The following RNF135 variants were observed in gnomAD, a reference collection of about 807,000 sequenced individuals.
RNF135 encodes ring finger protein 135.
Under a neutral mutation model 41.9 loss-of-function variants are expected in RNF135, and 46 were observed. The ratio of observed to expected loss-of-function variants is 1.10; its 90% CI spans 0.87 to 1.40. RNF135 has a LOEUF of 1.40. Among genes scored for constraint, RNF135 ranks in the 40% most tolerant of loss-of-function variants. RNF135 has a pLI of 0.00. For missense variants in RNF135, 539 were observed against 549.8 expected (o/e 0.98, Z 0.20); for synonymous variants, 238 against 223.8 (o/e 1.06, Z -0.57).
intron 1 of RNF135, among the ~76,000 whole-genome samples, chr17:30,982,866 T>A (rs767707195): frequency 6.6e-6 from 1 of 152,222 alleles, no homozygotes; most frequent in Non-Finnish European, 1.5e-5. Flanking sequence ...CAGGGTACCA[T>A]AACTCTTTTC....
chr17:30,979,743 G>A (rs1906873612), intron 1 of RNF135, among the ~76,000 whole-genome samples: 1 of 125,742 alleles, frequency 8.0e-6, no homozygotes. Flanking sequence ...CGGACGGGGC[G>A]GCTGGCCGGG....
At chr17:30,964,687 CTTT>C in the RNF135 span, among the ~76,000 whole-genome samples, 5 of 138,374 alleles carry the variant, frequency 3.6e-5, no homozygotes, top group Non-Finnish European at 3.2e-5. Flanking sequence ...CATTTCTTAT[CTTT>C]TTTTTTTTTT....
At chr17:30,981,413 A>G (rs1318907916) in intron 1 of RNF135, among the ~76,000 whole-genome samples, 3 of 152,114 alleles carry the variant, frequency 2.0e-5, no homozygotes, top group Non-Finnish European at 2.9e-5. Flanking sequence ...TAATTATTTC[A>G]ATCATTTTGT....
At chr17:30,993,806 T>TAA (rs1394991466) in intron 3 of RNF135, 4 of 911,762 alleles carry the variant, frequency 4.4e-6, no homozygotes, top group Non-Finnish European at 1.7e-6. Context: ...TCTGCTGAAT[T>TAA]AATTAATTAA....
Position 30,997,290 on chromosome 17 carries a change from A to G in RNF135, c.728A>G (p.Gln243Arg). 6.2e-7 allele frequency: 1 copy of G among 1,614,044 alleles called. No homozygotes were observed. The highest frequency in any genetic ancestry group is 8.5e-7 in the Non-Finnish European group (1 of 1,179,958). ...PSSSSCPLPD[Q>R]SHPALRRASR... ...TCCTCCTCATGCCCATTGCCTGACC[A>G]GAGCCACCCTGCACTCAGGAGAGCT... Residue 243 changes from glutamine to arginine, a missense_variant, in exon 4 of 5, where the codon CAG becomes CGG. Gln to Arg is a conservative substitution (Grantham distance 43). Transcript: ENST00000328381.
chr17:30,999,522 A>C lies in RNF135; in HGVS notation c.*331A>C. The C allele has an allele frequency of 8.5e-6, 3 of 351,610 alleles. No individual in the cohort carries two copies. The highest frequency in any genetic ancestry group is 8.1e-5 in the South Asian group (3 of 37,086). The allele number at this position is 351,610 out of a possible 1,614,324, so 21.8% of individuals were successfully genotyped here. Reference sequence around the variant, plus strand: ...AATAGGCCCCTGCCTGGCTCCTGGGAGATAACCTCTAAGCCATTAGAATAT... The same window carrying C: ...AATAGGCCCCTGCCTGGCTCCTGGGCGATAACCTCTAAGCCATTAGAATAT... On this transcript the variant is annotated 3_prime_UTR_variant, in exon 5 of 5. Transcript: ENST00000328381.
Position 30,997,269 on chromosome 17 carries a change from C to T in RNF135, c.707C>T (p.Ser236Phe), listed in dbSNP as rs1466795608. 2.5e-6 allele frequency: 4 copies of T among 1,613,964 alleles called. No homozygotes were observed. Among genetic ancestry groups the T allele is most frequent in the Non-Finnish European group, 3.4e-6 (4 of 1,179,974 alleles). The change falls in exon 4 of 5, where the codon TCC becomes TTC. Residue 236 changes from serine to phenylalanine, a missense_variant. Coordinates refer to ENST00000328381, the MANE Select transcript of RNF135 (RefSeq NM_032322.4). ...GAACTCCTGGAAGCCCCGTCTTCCT[C>T]CTCATGCCCATTGCCTGACCAGAGC... Reference protein sequence around the residue: ...QGELLEAPSSSSCPLPDQSHP... With the variant: ...QGELLEAPSSFSCPLPDQSHP...
At chr17:30,967,058 A>T (rs1183981020), upstream of RNF135, among the ~76,000 whole-genome samples, 1 of 152,014 alleles carries the variant, frequency 6.6e-6, no homozygotes, top group Non-Finnish European at 1.5e-5. Context: ...TTTTTTTGAC[A>T]GAGTCTTGCT....
At chr17:30,964,948 T>G in the RNF135 span, 2 of 152,268 alleles carry the variant, frequency 1.3e-5, no homozygotes, top group African/African-American at 4.8e-5. Flanking sequence ...CCTCTCAAAA[T>G]GCTGGGATTA....
intron 1 of RNF135, among the ~76,000 whole-genome samples, chr17:30,979,843 T>C (rs1906895979): frequency 8.0e-6 from 1 of 124,804 alleles, no homozygotes; most frequent in African/African-American, 3.1e-5. Flanking sequence ...ATGGGGCGGC[T>C]GGCCAGGCGG....
chr17:30,964,149 A>G, the RNF135 span, among the ~76,000 whole-genome samples: 2 of 152,232 alleles, frequency 1.3e-5, no homozygotes, highest in Admixed American at 1.3e-4. Flanking sequence ...GCACTTTGGG[A>G]GGCTGAGGCA....
At chr17:30,981,634 A>C (rs1345915699) in intron 1 of RNF135, among the ~76,000 whole-genome samples, 1 of 152,196 alleles carries the variant, frequency 6.6e-6, no homozygotes, top group Non-Finnish European at 1.5e-5. Context: ...GTGCCTGGGC[A>C]TTGAAGAGTT....
intron 1 of RNF135, among the ~76,000 whole-genome samples, chr17:30,977,896 C>T (rs1429570672): frequency 6.6e-6 from 1 of 152,202 alleles, no homozygotes; most frequent in Non-Finnish European, 1.5e-5. Context: ...GAAGTATTCC[C>T]TTTAGCATTT....
upstream of RNF135, chr17:30,970,336 T>C (rs1454359512): frequency 6.6e-6 from 1 of 152,148 alleles, no homozygotes; most frequent in Non-Finnish European, 1.5e-5. Context: ...TTTCTAGAAT[T>C]TTGTCCGAGT....
Position 30,997,314 on chromosome 17 carries a change from CT to C in RNF135, c.754del (p.Ser252LeufsTer14). The C allele has an allele frequency of 6.2e-7, 1 of 1,614,070 alleles. No homozygotes were observed. The highest frequency in any genetic ancestry group is 8.5e-7 in the Non-Finnish European group (1 of 1,179,934). Reference sequence around the variant, plus strand: ...CAGAGCCACCCTGCACTCAGGAGAGCTTCTCGGTTTGCTCAGTGTAAGTATG... The same window carrying C: ...CAGAGCCACCCTGCACTCAGGAGAGCTCTCGGTTTGCTCAGTGTAAGTATG... ...PDQSHPALRR[A>X]SRFAQWAIHP... On this transcript the variant is annotated frameshift_variant, in exon 4 of 5. Coordinates refer to ENST00000328381, the MANE Select transcript of RNF135 (RefSeq NM_032322.4). LOFTEE classifies it high-confidence loss of function.
chr17:30,969,765 T>TC (rs765364676), upstream of RNF135, among the ~76,000 whole-genome samples: 391 of 138,774 alleles, frequency 2.8e-3, 2 homozygotes, highest in East Asian at 7.2e-3. Flanking sequence ...TTTTCTTTTT[T>TC]TTTTTTTTTT....
chr17:30,970,983 G>GAGGGCAAGGGGAAGAGGA, upstream of RNF135: 1 of 1,503,392 alleles, frequency 6.7e-7, no homozygotes. Context: ...AGAAAAGGAG[G>GAGGGCAAGGGGAAGAGGA]AGGGCAAGGG....
chr17:30,993,153 CG>C (rs1418246988), intron 3 of RNF135, among the ~76,000 whole-genome samples: 1 of 151,540 alleles, frequency 6.6e-6, no homozygotes, highest in East Asian at 1.9e-4. Context: ...CTCCGCCTCC[CG>C]GGTTCAAGCA....
At chr17:30,959,476 C>G in the RNF135 span, 15 of 152,106 alleles carry the variant, frequency 9.9e-5, no homozygotes, top group African/African-American at 3.6e-4. Flanking sequence ...GAGATGATAC[C>G]TATGCTGAAT....
Sources: allele counts gnomAD v4.1 joint callset (sites outside exome capture counted in the v4.1 genomes callset), GRCh38; gene constraint gnomAD v4.1.1; transcripts MANE v1.5; gene names NCBI Gene and HGNC (gene_info 2026-07-23, HGNC 2026-07-21).